GPD2: variants seen among roughly 807,000 people sequenced by gnomAD.
The protein encoded by GPD2 is glycerol-3-phosphate dehydrogenase 2, also known as glycerol-3-phosphate dehydrogenase, mitochondrial.
A neutral mutation model predicts 82.4 loss-of-function variants in GPD2; 54 were observed. The ratio of observed to expected loss-of-function variants is 0.66; its 90% CI spans 0.53 to 0.82. The LOEUF (loss-of-function observed/expected upper bound fraction) is 0.82. Among genes scored for constraint, GPD2 ranks in the 40% least tolerant of loss-of-function variants. The pLI, the probability that GPD2 is intolerant of heterozygous loss-of-function variation, is 0.00. For missense variants in GPD2, 748 were observed against 896.2 expected (o/e 0.83, Z 2.11); for synonymous variants, 288 against 306.1 (o/e 0.94, Z 0.62).
Position 156,550,722 on chromosome 2 carries a change from A to G in GPD2, c.947A>G (p.His316Arg), listed in dbSNP as rs370586897. Residue 316 changes from histidine (H) to arginine (R), a missense_variant, in exon 8 of 17, where the codon CAT becomes CGT. Around this residue, in one of 3 missense-constraint regions of GPD2, gnomAD observed 692 missense variants for 809.7 expected, o/e 0.85. Transcript: ENST00000438166. ...ATCTGCCAGCCAAGTGCTGGTGTCC[A>G]TATTGTGATGCCTGGTTATTACAGG... The part of the protein sequence containing the change: ...AAICQPSAGV[H>R]IVMPGYYSPE... 1 of 1,613,870 alleles carries G rather than the reference A, an allele frequency of 6.2e-7. No homozygotes were observed. The highest frequency in any genetic ancestry group is 1.7e-4 in the Middle Eastern group (1 of 6,056).
intron 16 of GPD2, among the ~76,000 whole-genome samples, chr2:156,580,204 A>T (rs927637866): frequency 6.6e-6 from 1 of 152,214 alleles, no homozygotes; most frequent in Non-Finnish European, 1.5e-5. Flanking sequence ...ATTTTTAAAA[A>T]GTATGGTTCT....
chr2:156,473,740 ATTG>A (rs1683410902), intron 1 of GPD2: 1 of 152,232 alleles, frequency 6.6e-6, no homozygotes, highest in African/African-American at 2.4e-5. Flanking sequence ...TAGGGCTTAC[ATTG>A]TTGTGTGATA....
intron 6 of GPD2, among the ~76,000 whole-genome samples, 194 bp downstream of exon 6, chr2:156,513,690 A>G (rs1405723369): frequency 6.6e-6 from 1 of 152,054 alleles, no homozygotes; most frequent in Non-Finnish European, 1.5e-5. Context: ...TTTACCTTTA[A>G]TACTGTTTAT....
At chr2:156,558,261 A>T (rs1016927425) in intron 9 of GPD2, among the ~76,000 whole-genome samples, 4 of 152,130 alleles carry the variant, frequency 2.6e-5, no homozygotes, top group African/African-American at 9.7e-5. Context: ...TAGTCACTCA[A>T]ATTAGAAATG....
At position 156,585,804 on chromosome 2, in the gene GPD2, T is replaced by A. The variant is rs938724528; in HGVS notation, c.*2886T>A. 6.6e-6 allele frequency: 1 copy of A among 152,546 alleles called. No homozygotes were observed. Among genetic ancestry groups the A allele is most frequent in the Non-Finnish European group, 1.5e-5 (1 of 67,994 alleles). 9.4% of individuals were successfully genotyped at this position (152,546 alleles called of 1,614,324 possible). A position where few individuals can be genotyped will look rare whatever the true frequency, so the allele number is the denominator to read the frequency against. Reference sequence around the variant, plus strand: ...AAGTCAATGATGCTATAACTTGCGATGTTTGCATCATGTCAACCTTTTTGA... The same window carrying A: ...AAGTCAATGATGCTATAACTTGCGAAGTTTGCATCATGTCAACCTTTTTGA... On this transcript the variant is annotated 3_prime_UTR_variant, in exon 17 of 17. Coordinates refer to ENST00000438166, the MANE Select transcript of GPD2 (RefSeq NM_000408.5).
At chr2:156,475,760 G>A (rs1452431446) in intron 1 of GPD2, among the ~76,000 whole-genome samples, 2 of 152,162 alleles carry the variant, frequency 1.3e-5, no homozygotes, top group Non-Finnish European at 2.9e-5. Context: ...TACAAGTATA[G>A]CATGCAGTTT....
intron 6 of GPD2, among the ~76,000 whole-genome samples, chr2:156,519,219 G>A (rs531233627): frequency 6.6e-6 from 1 of 151,640 alleles, no homozygotes; most frequent in South Asian, 2.1e-4. Flanking sequence ...TTGGGGGGGG[G>A]CCACTAGTAA....
chr2:156,559,907 A>C (rs1687106498), intron 9 of GPD2, among the ~76,000 whole-genome samples: 1 of 152,066 alleles, frequency 6.6e-6, no homozygotes, highest in African/African-American at 2.4e-5. Flanking sequence ...TCAACATTGG[A>C]TTATGATTAT....
intron 8 of GPD2, among the ~76,000 whole-genome samples, chr2:156,555,740 C>G (rs1686938555): frequency 6.6e-6 from 1 of 152,048 alleles, no homozygotes; most frequent in African/African-American, 2.4e-5. Flanking sequence ...AACAAAAATA[C>G]TTGTTATTTG....
intron 1 of GPD2, among the ~76,000 whole-genome samples, chr2:156,466,102 T>C (rs1683141602): frequency 6.6e-6 from 1 of 152,218 alleles, no homozygotes; most frequent in South Asian, 2.1e-4. Flanking sequence ...CATTTTATTT[T>C]GGGGCTCTCA....
the GPD2 span, among the ~76,000 whole-genome samples, chr2:156,422,509 T>C: frequency 2.0e-5 from 3 of 152,038 alleles, no homozygotes; most frequent in Non-Finnish European, 4.4e-5. Context: ...GGTGGGTGGA[T>C]CATGAGGTCA....
At chr2:156,461,242 C>T (rs552612801) in intron 1 of GPD2, among the ~76,000 whole-genome samples, 5 of 149,314 alleles carry the variant, frequency 3.3e-5, no homozygotes, top group East Asian at 1.9e-4. Context: ...GATCTCAGCT[C>T]GCTGTAGCCT....
At chr2:156,495,467 A>G (rs1684335249) in intron 2 of GPD2, 2 of 234,734 alleles carry the variant, frequency 8.5e-6, no homozygotes, top group African/African-American at 4.7e-5. Flanking sequence ...TGAAAAATAT[A>G]ATTCTCATTA....
At chr2:156,532,083 G>C (rs1326751700) in intron 6 of GPD2, among the ~76,000 whole-genome samples, 1 of 152,130 alleles carries the variant, frequency 6.6e-6, no homozygotes, top group African/African-American at 2.4e-5. Context: ...ACTCACTGCA[G>C]TCTTGACCTC....
intron 2 of GPD2, among the ~76,000 whole-genome samples, chr2:156,487,169 G>A (rs945870987): frequency 3.3e-5 from 5 of 151,730 alleles, no homozygotes; most frequent in Non-Finnish European, 7.4e-5. Context: ...AGCCAGGTGT[G>A]GTGGCGGGGG....
intron 1 of GPD2, among the ~76,000 whole-genome samples, chr2:156,466,733 TC>T (rs903056019): frequency 6.6e-6 from 1 of 152,172 alleles, no homozygotes; most frequent in African/African-American, 2.4e-5. Context: ...ACATCAGAAA[TC>T]CCATGTAATA....
chr2:156,528,006 C>T lies in GPD2; in HGVS notation c.661+14510C>T, dbSNP rs1395251490. Among the ~76,000 whole-genome samples, 9 of 151,864 alleles carry T rather than the reference C, an allele frequency of 5.9e-5. No homozygotes were observed. In the East Asian group the frequency reaches 1.5e-3, roughly 26 times the overall value. On this transcript the variant is annotated intron_variant, in intron 6 of 16. Transcript: ENST00000438166. ...TTGTACTTCAATAGTTACCTCAGAA[C>T]CATTTTAGTGAAAAAGAAGGTAAAA...
chr2:156,468,848 C>T (rs950211375), intron 1 of GPD2, among the ~76,000 whole-genome samples: 2 of 152,116 alleles, frequency 1.3e-5, no homozygotes, highest in African/African-American at 4.8e-5. Flanking sequence ...CGAACATTCT[C>T]TTAGTTATTT....
intron 1 of GPD2, among the ~76,000 whole-genome samples, chr2:156,437,063 C>G (rs1450481737): frequency 3.3e-5 from 5 of 152,192 alleles, no homozygotes; most frequent in Non-Finnish European, 5.9e-5. Flanking sequence ...CAGATGGTCT[C>G]TAGTCTGGCT....
Sources: allele counts gnomAD v4.1 joint callset (sites outside exome capture counted in the v4.1 genomes callset), GRCh38; gene constraint gnomAD v4.1.1; regional missense constraint gnomAD v4.1.1; transcripts MANE v1.5; gene names NCBI Gene and HGNC (gene_info 2026-07-23, HGNC 2026-07-21).